DGKB: variants seen among roughly 807,000 people sequenced by gnomAD.
DGKB encodes diacylglycerol kinase beta, also known as 90 kDa diacylglycerol kinase.
DGKB carries 67 observed loss-of-function variants against 114.3 expected under a neutral mutation model. The ratio of observed to expected loss-of-function variants is 0.59; its 90% confidence interval spans 0.48 to 0.72. The LOEUF (loss-of-function observed/expected upper bound fraction) is 0.72. Among genes scored for constraint, DGKB ranks in the 30% least tolerant of loss-of-function variants. DGKB has a pLI of 0.00. For missense variants in DGKB, 907 were observed against 975.2 expected (o/e 0.93, Z 0.93); for synonymous variants, 398 against 323.1 (o/e 1.23, Z -2.49).
At chr7:14,650,967 T>C (rs1390459826) in intron 13 of DGKB, among the ~76,000 whole-genome samples, 7 of 152,132 alleles carry the variant, frequency 4.6e-5, no homozygotes, top group Non-Finnish European at 7.3e-5. Context: ...AATCTCTTAA[T>C]AGACCAATAA....
chr7:14,337,519 A>G (rs932924747), intron 23 of DGKB, among the ~76,000 whole-genome samples: 17 of 152,152 alleles, frequency 1.1e-4, no homozygotes, highest in Admixed American at 4.6e-4. Context: ...CAAATTTTAT[A>G]TAAAAGAAGT....
chr7:14,418,222 A>ATG (rs1457707918), intron 21 of DGKB, among the ~76,000 whole-genome samples: 2 of 140,276 alleles, frequency 1.4e-5, no homozygotes, highest in Non-Finnish European at 3.1e-5. Context: ...TATATATTAT[A>ATG]TATGTACATA....
At chr7:14,453,175 A>G (rs768825998) in intron 21 of DGKB, among the ~76,000 whole-genome samples, 19 of 152,100 alleles carry the variant, frequency 1.2e-4, no homozygotes, top group Non-Finnish European at 2.6e-4. Context: ...ACAGAGGAGG[A>G]AAGTGAGGCA....
At chr7:14,757,625 G>A (rs775311743) in intron 3 of DGKB, 30 bp downstream of exon 3, 43 of 1,306,368 alleles carry the variant, frequency 3.3e-5, no homozygotes, top group Admixed American at 7.6e-5. Flanking sequence ...GCATATATAC[G>A]AAACTGATAT....
chr7:14,329,895 G>A (rs555826442), intron 23 of DGKB, among the ~76,000 whole-genome samples: 5 of 152,032 alleles, frequency 3.3e-5, no homozygotes, highest in South Asian at 2.1e-4. Context: ...CACTGGGTAC[G>A]TTAAATTGAC....
At chr7:14,446,231 G>A (rs1563200313) in intron 21 of DGKB, among the ~76,000 whole-genome samples, 1 of 152,112 alleles carries the variant, frequency 6.6e-6, no homozygotes, top group Non-Finnish European at 1.5e-5. Flanking sequence ...AACTTACTGT[G>A]TTTTAAAAAG....
At chr7:14,345,206 A>T in intron 22 of DGKB, 95 bp downstream of exon 22, 8 of 679,456 alleles carry the variant, frequency 1.2e-5, no homozygotes, top group Non-Finnish European at 1.7e-5. Context: ...GATTGCTAAT[A>T]TATATTTCAT....
intron 7 of DGKB, among the ~76,000 whole-genome samples, chr7:14,701,326 T>C (rs528778092): frequency 4.5e-4 from 69 of 152,338 alleles, no homozygotes; most frequent in Middle Eastern, 3.4e-3. Flanking sequence ...GTTTCCTTAA[T>C]GCCAAATGTT....
At chr7:14,759,011 A>G (rs960132071) in intron 2 of DGKB, among the ~76,000 whole-genome samples, 10 of 152,110 alleles carry the variant, frequency 6.6e-5, no homozygotes, top group Admixed American at 2.0e-4. Flanking sequence ...TGCAACCTCC[A>G]TCTCCTGGGT....
intron 20 of DGKB, among the ~76,000 whole-genome samples, chr7:14,553,527 C>A (rs999801024): frequency 6.6e-6 from 1 of 152,128 alleles, no homozygotes. Flanking sequence ...TTATATCTAT[C>A]CAGTTAAAAT....
chr7:14,579,345 T>A (rs1799601494), intron 19 of DGKB, among the ~76,000 whole-genome samples: 1 of 152,168 alleles, frequency 6.6e-6, no homozygotes, highest in Non-Finnish European at 1.5e-5. Context: ...TTGTTAGTGC[T>A]TTGTATGTGG....
chr7:14,791,174 T>G lies in DGKB; in HGVS notation c.71-33443A>C, dbSNP rs543978584. Among the ~76,000 whole-genome samples, 5 of 152,242 alleles carry G rather than the reference T, an allele frequency of 3.3e-5. No individual in the cohort carries two copies. In the East Asian group the frequency reaches 5.8e-4, roughly 18 times the overall value. On this transcript the variant is annotated intron_variant, in intron 2 of 25. Coordinates refer to ENST00000402815, the MANE Select transcript of DGKB (RefSeq NM_001350709.2). ...CACACAAGTCTTGTACATATTTTGT[T>G]AGACTTACATCTAAGTATTTTGGGG...
intron 25 of DGKB, among the ~76,000 whole-genome samples, chr7:14,168,576 G>A (rs926224350): frequency 2.6e-5 from 4 of 152,042 alleles, no homozygotes; most frequent in South Asian, 2.1e-4. Flanking sequence ...GAAAAATGAC[G>A]TATTACATAT....
At chr7:14,209,599 C>T (rs1190867183) in intron 23 of DGKB, 3 of 461,772 alleles carry the variant, frequency 6.5e-6, no homozygotes, top group African/African-American at 2.0e-5. Flanking sequence ...GCAAAATCTG[C>T]CCCTTAAGAG....
chr7:14,725,161 T>A (rs560210585), intron 5 of DGKB, among the ~76,000 whole-genome samples: 1 of 152,158 alleles, frequency 6.6e-6, no homozygotes, highest in Non-Finnish European at 1.5e-5. Context: ...CAGAGCAAGA[T>A]TCTGTCTCTT....
At chr7:14,684,929 G>C (rs1358334617) in intron 10 of DGKB, among the ~76,000 whole-genome samples, 1 of 152,014 alleles carries the variant, frequency 6.6e-6, no homozygotes, top group Non-Finnish European at 1.5e-5. Context: ...TAAGATGTAA[G>C]TATGAAAAAC....
chr7:14,708,551 C>G (rs1301616455), intron 6 of DGKB, among the ~76,000 whole-genome samples: 1 of 151,368 alleles, frequency 6.6e-6, no homozygotes, highest in Non-Finnish European at 1.5e-5. Flanking sequence ...ATCACACTAC[C>G]TGACTTCAAA....
At chr7:14,413,764 T>C (rs1321124436) in intron 21 of DGKB, among the ~76,000 whole-genome samples, 1 of 152,136 alleles carries the variant, frequency 6.6e-6, no homozygotes, top group Non-Finnish European at 1.5e-5. Flanking sequence ...GCAAGAGTGA[T>C]GAATGTGTAG....
intron 20 of DGKB, among the ~76,000 whole-genome samples, chr7:14,566,087 C>A (rs139949645): frequency 7.4e-5 from 11 of 149,130 alleles, no homozygotes; most frequent in Non-Finnish European, 1.3e-4. Context: ...ATAATTTAAT[C>A]ACATATAATT....
Sources: gnomAD v4.1 joint callset for allele counts (sites outside exome capture counted in the v4.1 genomes callset) on GRCh38, gnomAD v4.1.1 for gene constraint, MANE v1.5 for transcripts, NCBI Gene and HGNC (gene_info 2026-07-23, HGNC 2026-07-21) for gene names.